Variants in MED14 observed in about 807,000 individuals in gnomAD.
MED14 encodes the protein mediator of RNA polymerase II transcription subunit 14.
MED14 carries 8 observed loss-of-function variants against 109.0 expected under a neutral mutation model. That is an observed-to-expected ratio of 0.07 (90% confidence interval 0.04 to 0.13). MED14 has a LOEUF of 0.13. Ranked by LOEUF, MED14 falls within the 10% of genes least tolerant of loss-of-function variation. The pLI, the probability that MED14 is intolerant of heterozygous loss-of-function variation, is 1.00. For missense variants in MED14, 711 were observed against 1,142.4 expected (o/e 0.62, Z 5.44); for synonymous variants, 399 against 408.7 (o/e 0.98, Z 0.29).
intron 11 of MED14, 50 bp downstream of exon 11, chrX:40,703,394 T>C (rs1385334680): frequency 9.4e-7 from 1 of 1,060,738 alleles, no homozygotes; most frequent in Non-Finnish European, 1.3e-6. Flanking sequence ...TTTGTTTTTG[T>C]TAAAAATAAT....
chrX:40,696,017 C>G (rs1031646898), intron 13 of MED14, among the ~76,000 whole-genome samples: 30 of 111,684 alleles, frequency 2.7e-4, no homozygotes, highest in African/African-American at 8.8e-4. Flanking sequence ...AAGTGATCCT[C>G]CTGCCTCGGC....
chrX:40,674,710 T>G (rs1255918929), intron 22 of MED14, among the ~76,000 whole-genome samples: 1 of 111,806 alleles, frequency 8.9e-6, no homozygotes, highest in Non-Finnish European at 1.9e-5. Context: ...GAGAGAACAA[T>G]GGCTAGCCTA....
chrX:40,659,398 T>C, intron 27 of MED14, 30 bp downstream of exon 27: 4 of 1,181,043 alleles, frequency 3.4e-6, no homozygotes, highest in Non-Finnish European at 4.6e-6. Flanking sequence ...TCATTAATTA[T>C]ATTCAAATTA....
chrX:40,727,578 C>CT (rs1373607768), intron 2 of MED14, among the ~76,000 whole-genome samples: 1 of 111,728 alleles, frequency 9.0e-6, no homozygotes, highest in Non-Finnish European at 1.9e-5. Context: ...ATCCCAAAAG[C>CT]TTTACTAATG....
chrX:40,679,749 T>C, intron 21 of MED14, 115 bp downstream of exon 21: 1 of 672,040 alleles, frequency 1.5e-6, no homozygotes, highest in Non-Finnish European at 2.2e-6. Context: ...TTAACACTGC[T>C]ACTTACTAAA....
chrX:40,668,608 G>A (rs1323761516), intron 23 of MED14, among the ~76,000 whole-genome samples: 1 of 111,211 alleles, frequency 9.0e-6, no homozygotes, highest in African/African-American at 3.3e-5. Flanking sequence ...TTTAATATCA[G>A]CATGTTTCAA....
rs1007967830 is a variant in MED14, at chrX:40,663,020, C to T, written c.3589G>A (p.Gly1197Ser). The T allele has an allele frequency of 2.6e-5, 32 of 1,209,661 alleles. No homozygotes were observed. The highest frequency in any genetic ancestry group is 3.5e-5 in the South Asian group (2 of 56,798). ...LPSPTPGLVP[G>S]LAGSYLCSPL... ...GAACAAAGGTAACTACCTGCCAGGC[C>T]GGGCACAAGGCCTGGAGTTGGAGAG... Residue 1197 changes from glycine (G) to serine (S), a missense_variant, in exon 26 of 31, where the codon GGC (glycine) becomes AGC (serine). Physicochemically the swap from Gly to Ser is moderately conservative, Grantham distance 56. This residue lies in a region of MED14 where 54 missense variants were observed against 129.6 expected (regional missense o/e 0.42). Coordinates refer to ENST00000324817, the MANE Select transcript of MED14 (RefSeq NM_004229.4).
chrX:40,713,919 T>A lies in MED14; in HGVS notation c.523-12A>T. ...GGAATAATTTTGTCCTGCAAAAAAA[T>A]TTAAGTGATTTTTAAATAATGTACA... On this transcript the variant is annotated splice_polypyrimidine_tract_variant and intron_variant, in intron 4 of 30. Coordinates refer to ENST00000324817, the MANE Select transcript of MED14 (RefSeq NM_004229.4). 8.3e-7 allele frequency: 1 copy of A among 1,198,452 alleles called. No homozygotes were observed. Among genetic ancestry groups the A allele is most frequent in the Non-Finnish European group, 1.1e-6 (1 of 887,717 alleles).
intron 12 of MED14, among the ~76,000 whole-genome samples, chrX:40,698,831 C>T (rs967374367): frequency 4.5e-5 from 5 of 112,268 alleles, no homozygotes; most frequent in African/African-American, 6.5e-5. Flanking sequence ...TAAAATGGCA[C>T]AGTCACTCTG....
At chrX:40,704,245 T>A (rs1931052433) in intron 10 of MED14, among the ~76,000 whole-genome samples, 1 of 112,209 alleles carries the variant, frequency 8.9e-6, no homozygotes. Flanking sequence ...TTCTCTTAAT[T>A]CTGCAAGTGA....
intron 13 of MED14, among the ~76,000 whole-genome samples, chrX:40,696,292 G>A (rs1412839285): frequency 3.7e-5 from 4 of 108,732 alleles, no homozygotes; most frequent in Admixed American, 2.0e-4. Context: ...CCGCCACCAC[G>A]CCTGGCTAAT....
intron 3 of MED14, among the ~76,000 whole-genome samples, chrX:40,717,128 G>A (rs1182107986): frequency 1.8e-5 from 2 of 110,690 alleles, no homozygotes; most frequent in African/African-American, 6.6e-5. Flanking sequence ...TATTCAAAAC[G>A]ACCAGAAGAG....
intron 3 of MED14, among the ~76,000 whole-genome samples, chrX:40,723,173 A>G (rs1426235281): frequency 1.8e-5 from 2 of 112,288 alleles, no homozygotes; most frequent in Non-Finnish European, 3.8e-5. Flanking sequence ...CAACTTTTGA[A>G]GATACAGAAC....
chrX:40,722,767 G>T (rs746039147), intron 3 of MED14, among the ~76,000 whole-genome samples: 2 of 111,621 alleles, frequency 1.8e-5, no homozygotes, highest in African/African-American at 6.5e-5. Flanking sequence ...TAATATGTTT[G>T]GTAGGAGACT....
chrX:40,684,382 A>G (rs1163647201), intron 16 of MED14, among the ~76,000 whole-genome samples: 1 of 112,608 alleles, frequency 8.9e-6, no homozygotes, highest in Non-Finnish European at 1.9e-5. Flanking sequence ...ACAACTTAAG[A>G]GAGCAAAAAA....
At position 40,709,406 on chromosome X, in the gene MED14, A is replaced by T. The variant is rs1351688605; in HGVS notation, c.1227T>A (p.Ala409=). The T allele has an allele frequency of 2.6e-6, 3 of 1,153,348 alleles. No individual in the cohort carries two copies. The highest frequency in any genetic ancestry group is 3.5e-6 in the Non-Finnish European group (3 of 858,966). The change falls in exon 10 of 31, where the codon GCT becomes GCA. Residue 409 remains alanine, a synonymous_variant. Coordinates refer to ENST00000324817, the MANE Select transcript of MED14 (RefSeq NM_004229.4). Reference sequence around the variant, plus strand: ...CCTTCAGTTCTTGGAGCTTCTGATGAGCTCTTGCATGGACACTGTCAATCA... The same window carrying T: ...CCTTCAGTTCTTGGAGCTTCTGATGTGCTCTTGCATGGACACTGTCAATCA... ...KLLIDSVHAR[A]HQKLQELKAI... is the part of the protein sequence containing the mutation.
In MED14 at chrX:40,649,501, T is replaced by TA; in HGVS notation, c.*2304dup. On this transcript the variant is annotated 3_prime_UTR_variant, in exon 31 of 31. Transcript: ENST00000324817. ...TTAAATTAATACTAAACCAGACTAT[T>TA]AATGAAAACATCTTCATCAAAATTA... The TA allele has an allele frequency of 1.8e-6, 1 of 567,086 alleles. No homozygotes were observed. Among genetic ancestry groups the TA allele is most frequent in the Admixed American group, 6.8e-5 (1 of 14,619 alleles). 46.7% of individuals were successfully genotyped at this position (567,086 alleles called of 1,213,427 possible). A position where few individuals can be genotyped will look rare whatever the true frequency, so the allele number is the denominator to read the frequency against.
At chrX:40,713,096 A>C (rs778069502) in intron 5 of MED14, 54 bp from the exon 6 acceptor site, 8 of 1,076,429 alleles carry the variant, frequency 7.4e-6, no homozygotes, top group Non-Finnish European at 8.6e-6. Context: ...GAAAATGAGA[A>C]TCTTCCTCCT....
At chrX:40,675,106 C>T in intron 22 of MED14, 115 bp downstream of exon 22, 1 of 639,831 alleles carries the variant, frequency 1.6e-6, no homozygotes, top group Admixed American at 4.1e-5. Flanking sequence ...TAAGTATTTC[C>T]TGGGCATCTC....
Sources: allele counts gnomAD v4.1 joint callset (sites outside exome capture counted in the v4.1 genomes callset), GRCh38; gene constraint gnomAD v4.1.1; regional missense constraint gnomAD v4.1.1; transcripts MANE v1.5; gene names NCBI Gene and HGNC (gene_info 2026-07-23, HGNC 2026-07-21).